CCDC178: variants seen among roughly 807,000 people sequenced by gnomAD.
CCDC178 encodes the protein coiled-coil domain-containing protein 178.
A neutral mutation model predicts 117.4 loss-of-function variants in CCDC178; 126 were observed. The observed-to-expected ratio is 1.07, with a 90% CI of 0.93 to 1.24. The LOEUF (loss-of-function observed/expected upper bound fraction) is 1.24, where lower values mean the gene tolerates loss of function less well. Ranked by LOEUF, CCDC178 falls within the 50% of genes most tolerant of loss-of-function variation. The probability of loss-of-function intolerance (pLI) is 0.00; values close to 1 mark genes in which losing one functional copy is unlikely to be tolerated. For synonymous variants in CCDC178, 283 were observed against 313.4 expected, an observed-to-expected ratio of 0.90 and a Z score of 1.02; for missense variants, 1,030 against 986.9, an observed-to-expected ratio of 1.04 and a Z score of -0.59.
chr18:33,356,382 T>C (rs764881744), intron 6 of CCDC178, 36 bp from the exon 7 acceptor site: 6 of 1,437,052 alleles, frequency 4.2e-6, no homozygotes, highest in Non-Finnish European at 5.6e-6. Context: ...AAATCAAATC[T>C]TAAACATATT....
In CCDC178 at chr18:32,937,582, G is replaced by A. The variant is rs781187446; in HGVS notation, c.*429C>T. The A allele has an allele frequency of 1.9e-5, 3 of 161,032 alleles. No homozygotes were observed. The highest frequency in any genetic ancestry group is 2.7e-5 in the Non-Finnish European group (2 of 73,436). 10.0% of individuals were successfully genotyped at this position (161,032 alleles called of 1,614,324 possible). ...AGTACATTAGACAGAGTGTCTCAAA[G>A]TGTCACATGGGCATAGATATTGTTA... is the stretch of plus-strand genomic sequence containing the variant. On this transcript the variant is annotated 3_prime_UTR_variant, in exon 23 of 23. Coordinates refer to ENST00000383096, the MANE Select transcript of CCDC178 (RefSeq NM_001105528.4).
intron 21 of CCDC178, among the ~76,000 whole-genome samples, chr18:32,997,603 T>C (rs927442904): frequency 2.6e-5 from 4 of 152,090 alleles, no homozygotes; most frequent in African/African-American, 9.7e-5. Context: ...ACATAAAGTG[T>C]ATGTGTGTGT....
chr18:33,042,237 A>T (rs947606753), intron 21 of CCDC178, among the ~76,000 whole-genome samples: 5 of 151,924 alleles, frequency 3.3e-5, no homozygotes, highest in Admixed American at 6.6e-5. Flanking sequence ...ATTATCAAAC[A>T]TGGCACAATT....
intron 14 of CCDC178, among the ~76,000 whole-genome samples, chr18:33,263,287 T>A (rs889080104): frequency 6.6e-6 from 1 of 152,146 alleles, no homozygotes; most frequent in African/African-American, 2.4e-5. Context: ...TCAAATTCTA[T>A]GAAACTATTT....
At chr18:33,209,095 G>A (rs2059078760) in intron 20 of CCDC178, among the ~76,000 whole-genome samples, 1 of 151,918 alleles carries the variant, frequency 6.6e-6, no homozygotes. Flanking sequence ...CAAAAGCAAG[G>A]ACAAACATCA....
At chr18:33,230,704 A>G (rs2059359165) in intron 15 of CCDC178, among the ~76,000 whole-genome samples, 2 of 152,192 alleles carry the variant, frequency 1.3e-5, no homozygotes, top group South Asian at 4.1e-4. Context: ...TTTAAGATGG[A>G]TGATACAACA....
At chr18:33,326,254 C>T (rs1414491463) in intron 10 of CCDC178, among the ~76,000 whole-genome samples, 1 of 152,146 alleles carries the variant, frequency 6.6e-6, no homozygotes, top group African/African-American at 2.4e-5. Context: ...ATCATTTCAG[C>T]AGATGCTGAA....
intron 14 of CCDC178, among the ~76,000 whole-genome samples, chr18:33,252,524 G>A (rs2059629219): frequency 6.6e-6 from 1 of 151,676 alleles, no homozygotes; most frequent in Non-Finnish European, 1.5e-5. Flanking sequence ...GCAAAAGTTT[G>A]TTGTGCAATG....
At chr18:33,017,756 T>C (rs1345746959) in intron 21 of CCDC178, among the ~76,000 whole-genome samples, 3 of 151,812 alleles carry the variant, frequency 2.0e-5, no homozygotes, top group African/African-American at 7.2e-5. Context: ...AAGAATGGAA[T>C]AGAATTGAAA....
chr18:33,172,894 T>C (rs969820284), intron 20 of CCDC178, among the ~76,000 whole-genome samples: 31 of 152,172 alleles, frequency 2.0e-4, no homozygotes, highest in African/African-American at 7.5e-4. Context: ...GAAAAATCCA[T>C]GATTTTTAAT....
chr18:33,042,015 A>G (rs1236181613), intron 21 of CCDC178, among the ~76,000 whole-genome samples: 1 of 151,932 alleles, frequency 6.6e-6, no homozygotes, highest in East Asian at 1.9e-4. Flanking sequence ...ATAAAGGAAG[A>G]ATAGCGTTGG....
At chr18:33,184,010 C>T (rs374144567) in intron 20 of CCDC178, among the ~76,000 whole-genome samples, 1 of 151,990 alleles carries the variant, frequency 6.6e-6, no homozygotes, top group East Asian at 1.9e-4. Context: ...GAATCACTGC[C>T]ACCTATTAAT....
intron 11 of CCDC178, among the ~76,000 whole-genome samples, chr18:33,306,248 G>C (rs1334533991): frequency 6.6e-6 from 1 of 151,942 alleles, no homozygotes; most frequent in Admixed American, 6.6e-5. Context: ...CTAACTTTTG[G>C]TCCACAGCCT....
At chr18:33,179,678 T>C (rs943191238) in intron 20 of CCDC178, among the ~76,000 whole-genome samples, 1 of 151,996 alleles carries the variant, frequency 6.6e-6, no homozygotes, top group African/African-American at 2.4e-5. Flanking sequence ...TGTTTACCAA[T>C]CAAATTGTTT....
At chr18:33,281,785 T>C (rs2060028910) in intron 12 of CCDC178, among the ~76,000 whole-genome samples, 1 of 152,240 alleles carries the variant, frequency 6.6e-6, no homozygotes, top group Non-Finnish European at 1.5e-5. Flanking sequence ...TAATTCAACT[T>C]TCATTATTTG....
chr18:33,439,553 A>G (rs184289566), intron 2 of CCDC178, among the ~76,000 whole-genome samples: 6 of 152,386 alleles, frequency 3.9e-5, no homozygotes, highest in Non-Finnish European at 7.3e-5. Flanking sequence ...GAATGTCTAA[A>G]TAACAATTGA....
At chr18:33,194,745 G>A (rs1488034745) in intron 20 of CCDC178, among the ~76,000 whole-genome samples, 3 of 151,690 alleles carry the variant, frequency 2.0e-5, no homozygotes, top group Non-Finnish European at 4.4e-5. Flanking sequence ...CTTTTTCTGT[G>A]ATATTTGGCT....
chr18:33,024,842 G>A (rs964046917), intron 21 of CCDC178, among the ~76,000 whole-genome samples: 3 of 150,594 alleles, frequency 2.0e-5, no homozygotes, highest in Admixed American at 6.6e-5. Flanking sequence ...TAGTAGAGAC[G>A]GGGTTTCACC....
intron 6 of CCDC178, among the ~76,000 whole-genome samples, chr18:33,361,873 C>T (rs1207065284): frequency 6.6e-6 from 1 of 151,576 alleles, no homozygotes; most frequent in African/African-American, 2.4e-5. Flanking sequence ...ATGGTACAGC[C>T]ATTAGAGAAA....
Sources: allele counts gnomAD v4.1 joint callset (sites outside exome capture counted in the v4.1 genomes callset), GRCh38; gene constraint gnomAD v4.1.1; transcripts MANE v1.5; gene names NCBI Gene and HGNC (gene_info 2026-07-23, HGNC 2026-07-21).